The following QTMAN variants were observed in gnomAD, a reference collection of about 807,000 sequenced individuals.
QTMAN encodes queuosine-tRNA mannosyltransferase.
the QTMAN span, among the ~76,000 whole-genome samples, chr2:144,030,020 A>C: frequency 2.6e-5 from 4 of 152,204 alleles, no homozygotes; most frequent in African/African-American, 7.2e-5. Flanking sequence ...TGAGGTTGAG[A>C]AGAATTCATT....
the QTMAN span, among the ~76,000 whole-genome samples, chr2:144,015,073 T>A: frequency 1.3e-5 from 2 of 152,168 alleles, no homozygotes; most frequent in Non-Finnish European, 2.9e-5. Context: ...TTTTATAAAA[T>A]CCCTTTAGGA....
At chr2:143,998,187 T>C in the QTMAN span, among the ~76,000 whole-genome samples, 18 of 152,144 alleles carry the variant, frequency 1.2e-4, no homozygotes, top group African/African-American at 4.1e-4. Flanking sequence ...AATTCTCATC[T>C]CAGAAACATA....
chr2:144,098,546 C>T, the QTMAN span, among the ~76,000 whole-genome samples: 1 of 152,004 alleles, frequency 6.6e-6, no homozygotes, highest in Non-Finnish European at 1.5e-5. Context: ...GAAACCCCAT[C>T]TCTACTAAAA....
chr2:144,305,081 TTAAAGTA>T, the QTMAN span, among the ~76,000 whole-genome samples: 5 of 152,236 alleles, frequency 3.3e-5, no homozygotes, highest in South Asian at 2.1e-4. Flanking sequence ...ATAGTGTCTT[TTAAAGTA>T]TAAAGTTTTT....
At chr2:144,251,384 C>A in the QTMAN span, among the ~76,000 whole-genome samples, 3 of 151,940 alleles carry the variant, frequency 2.0e-5, no homozygotes, top group Non-Finnish European at 2.9e-5. Context: ...CAAATATAGT[C>A]AACTGATACT....
the QTMAN span, among the ~76,000 whole-genome samples, chr2:144,208,992 TAAG>T: frequency 1.3e-5 from 2 of 152,224 alleles, no homozygotes; most frequent in African/African-American, 2.4e-5. Flanking sequence ...TTTGTGTTAA[TAAG>T]AAGAAATAAA....
chr2:144,012,817 C>T, the QTMAN span, among the ~76,000 whole-genome samples: 4 of 151,972 alleles, frequency 2.6e-5, no homozygotes, highest in South Asian at 2.1e-4. Flanking sequence ...AAAGAGAGAG[C>T]GTGTATAACT....
chr2:144,104,266 C>T, the QTMAN span, among the ~76,000 whole-genome samples: 1 of 152,156 alleles, frequency 6.6e-6, no homozygotes, highest in East Asian at 1.9e-4. Flanking sequence ...GGGGGCAGAA[C>T]AGTGGGTGCA....
chr2:144,183,641 AT>A, the QTMAN span, among the ~76,000 whole-genome samples: 2 of 152,156 alleles, frequency 1.3e-5, no homozygotes, highest in Admixed American at 1.3e-4. Context: ...ATAGGGCTGA[AT>A]TTTTTAAGAG....
chr2:143,988,562 AATCATTTC>A, the QTMAN span, among the ~76,000 whole-genome samples: 2 of 152,262 alleles, frequency 1.3e-5, no homozygotes, highest in African/African-American at 4.8e-5. Flanking sequence ...GGTTAGATTA[AATCATTTC>A]ATCTTTACAA....
At chr2:144,137,543 A>G in the QTMAN span, among the ~76,000 whole-genome samples, 3 of 152,082 alleles carry the variant, frequency 2.0e-5, no homozygotes, top group South Asian at 2.1e-4. Context: ...GAAAAATCAG[A>G]TAATCAAGAC....
chr2:143,964,790 A>C, the QTMAN span, among the ~76,000 whole-genome samples: 1 of 152,286 alleles, frequency 6.6e-6, no homozygotes, highest in East Asian at 1.9e-4. Flanking sequence ...ACTGTTCTTA[A>C]CCTCAAATTA....
At chr2:144,193,602 C>G in the QTMAN span, among the ~76,000 whole-genome samples, 1 of 151,656 alleles carries the variant, frequency 6.6e-6, no homozygotes, top group African/African-American at 2.4e-5. Context: ...CTCATTATAA[C>G]CTCAAATTCC....
the QTMAN span, among the ~76,000 whole-genome samples, chr2:144,079,859 T>A: frequency 6.6e-6 from 1 of 152,210 alleles, no homozygotes; most frequent in South Asian, 2.1e-4. Flanking sequence ...AGAGTCTAAT[T>A]TTTAGGTACA....
the QTMAN span, among the ~76,000 whole-genome samples, chr2:144,256,613 C>A: frequency 2.8e-4 from 43 of 152,126 alleles, no homozygotes; most frequent in African/African-American, 1.0e-3. Flanking sequence ...GAAAACCAAA[C>A]GTTGCATGTT....
the QTMAN span, among the ~76,000 whole-genome samples, chr2:144,132,427 C>T: frequency 6.6e-6 from 1 of 152,050 alleles, no homozygotes; most frequent in African/African-American, 2.4e-5. Context: ...CAGAACATTT[C>T]CCAGCATTCT....
chr2:144,242,162 A>G, the QTMAN span, among the ~76,000 whole-genome samples: 3 of 152,230 alleles, frequency 2.0e-5, no homozygotes, highest in African/African-American at 7.2e-5. Context: ...ATTGTGACTC[A>G]GAATAAGAAG....
chr2:143,985,774 G>C, the QTMAN span, among the ~76,000 whole-genome samples: 1 of 152,208 alleles, frequency 6.6e-6, no homozygotes, highest in East Asian at 1.9e-4. Context: ...GCAGAACTAA[G>C]AAATTAATTG....
At chr2:144,252,708 A>G in the QTMAN span, among the ~76,000 whole-genome samples, 1 of 152,186 alleles carries the variant, frequency 6.6e-6, no homozygotes, top group African/African-American at 2.4e-5. Context: ...AAAATTTAAC[A>G]TGCTCTTACC....
Sources: allele counts gnomAD v4.1 joint callset (sites outside exome capture counted in the v4.1 genomes callset), GRCh38; gene constraint gnomAD v4.1.1; transcripts MANE v1.5; gene names NCBI Gene and HGNC (gene_info 2026-07-23, HGNC 2026-07-21).